Variants in CBL observed in about 807,000 individuals in gnomAD.
CBL encodes the protein E3 ubiquitin-protein ligase CBL.
A neutral mutation model predicts 96.9 loss-of-function variants in CBL; 45 were observed. That is an observed-to-expected ratio of 0.46 (90% confidence interval 0.37 to 0.60). The LOEUF (loss-of-function observed/expected upper bound fraction) is 0.60. CBL is among the 20% of genes least tolerant of loss of function. The probability of loss-of-function intolerance (pLI) is 0.00; values close to 1 mark genes in which losing one functional copy is unlikely to be tolerated. For synonymous variants in CBL, 420 were observed against 426.8 expected, an observed-to-expected ratio of 0.98 and a Z score of 0.20; for missense variants, 1,024 against 1,143.5, an observed-to-expected ratio of 0.90 and a Z score of 1.51.
chr11:119,246,129 C>T (rs1011544743), intron 2 of CBL, among the ~76,000 whole-genome samples: 2 of 151,516 alleles, frequency 1.3e-5, no homozygotes, highest in Admixed American at 1.3e-4. Flanking sequence ...CGCGCGCCAC[C>T]ATGCCCAGCT....
At chr11:119,261,675 C>T (rs1189080628) in intron 2 of CBL, among the ~76,000 whole-genome samples, 2 of 152,130 alleles carry the variant, frequency 1.3e-5, no homozygotes, top group Non-Finnish European at 2.9e-5. Context: ...AATATGCTTT[C>T]AATTGTGGGC....
At chr11:119,294,574 C>G (rs1242839034) in intron 12 of CBL, among the ~76,000 whole-genome samples, 4 of 151,864 alleles carry the variant, frequency 2.6e-5, no homozygotes, top group South Asian at 2.1e-4. Context: ...GCTGGCAGAT[C>G]ATGAGGTCAA....
At chr11:119,292,566 G>T (rs544732778) in intron 12 of CBL, among the ~76,000 whole-genome samples, 1 of 151,780 alleles carries the variant, frequency 6.6e-6, no homozygotes, top group Non-Finnish European at 1.5e-5. Context: ...GACTACAGGC[G>T]CCCGCCACCA....
In CBL at chr11:119,302,992, G is replaced by T. The variant is rs1198143556; in HGVS notation, c.*3211G>T. 2 of 227,906 alleles carry T rather than the reference G, an allele frequency of 8.8e-6. No individual in the cohort carries two copies. Among genetic ancestry groups the T allele is most frequent in the African/African-American group, 2.2e-5 (1 of 45,070 alleles). 14.1% of individuals were successfully genotyped at this position (227,906 alleles called of 1,614,324 possible). On this transcript the variant is annotated 3_prime_UTR_variant, in exon 16 of 16. Coordinates refer to ENST00000264033, the MANE Select transcript of CBL (RefSeq NM_005188.4). Reference sequence around the variant, plus strand: ...ACTGTTAGTATTATTTAACTATTTTGTAGATTTAAAAGATTTCTGGTTAAG... The same window carrying T: ...ACTGTTAGTATTATTTAACTATTTTTTAGATTTAAAAGATTTCTGGTTAAG...
At chr11:119,263,327 G>A (rs1949769027) in intron 2 of CBL, among the ~76,000 whole-genome samples, 1 of 152,164 alleles carries the variant, frequency 6.6e-6, no homozygotes, top group Non-Finnish European at 1.5e-5. Flanking sequence ...TTCATGTAGG[G>A]GGAGTAAGGA....
chr11:119,211,375 AAAC>A (rs1216159994), intron 1 of CBL, among the ~76,000 whole-genome samples: 3 of 152,114 alleles, frequency 2.0e-5, no homozygotes, highest in African/African-American at 4.8e-5. Context: ...TCTGTTTCAA[AAAC>A]AACAACAAAA....
At chr11:119,216,339 AATTTATTTATTTATTTATTTATTTATTT>A (rs113078166) in intron 1 of CBL, among the ~76,000 whole-genome samples, 3 of 144,038 alleles carry the variant, frequency 2.1e-5, no homozygotes, top group Non-Finnish European at 4.5e-5. Context: ...GACTTATTGT[AATTTATTTATTTATTTATTTATTTATTT>A]ATTTATTTAT....
intron 1 of CBL, among the ~76,000 whole-genome samples, chr11:119,229,909 T>G (rs1227622115): frequency 6.6e-6 from 1 of 151,894 alleles, no homozygotes; most frequent in Non-Finnish European, 1.5e-5. Flanking sequence ...TGAAGAATTC[T>G]TGATCATTAG....
chr11:119,218,587 C>T (rs1949381931), intron 1 of CBL, among the ~76,000 whole-genome samples: 1 of 152,122 alleles, frequency 6.6e-6, no homozygotes, highest in Non-Finnish European at 1.5e-5. Context: ...CTGCTTCTGT[C>T]CTGGGCATGA....
intron 2 of CBL, among the ~76,000 whole-genome samples, chr11:119,265,761 G>A (rs561982501): frequency 1.3e-5 from 2 of 152,102 alleles, no homozygotes; most frequent in East Asian, 1.9e-4. Context: ...AGTGGCTCAC[G>A]CCTGTAATCC....
At position 119,278,200 on chromosome 11, in the gene CBL, C is replaced by T. The variant is rs1949904419; in HGVS notation, c.1130C>T (p.Thr377Ile). 1.2e-6 allele frequency: 2 copies of T among 1,610,256 alleles called. No individual in the cohort carries two copies. Among genetic ancestry groups the T allele is most frequent in the Non-Finnish European group, 1.7e-6 (2 of 1,176,490 alleles). The change falls in exon 8 of 16, where the codon ACA (threonine) becomes ATA (isoleucine). Residue 377 changes from threonine to isoleucine, a missense_variant. Thr to Ile is a moderately conservative substitution (Grantham distance 89). This residue lies in a region of CBL where 695 missense variants were observed against 661.6 expected (regional missense o/e 1.05). Transcript: ENST00000264033. The stretch of plus-strand genomic sequence containing the variant: ...GAATTATACTGTGAGATGGGCTCCA[C>T]ATTCCAACTATGTAAAATATGTGCT... ...QYELYCEMGS[T>I]FQLCKICAEN... is the part of the protein sequence containing the mutation.
chr11:119,220,166 A>C (rs1949396882), intron 1 of CBL, among the ~76,000 whole-genome samples: 1 of 151,582 alleles, frequency 6.6e-6, no homozygotes, highest in African/African-American at 2.4e-5. Flanking sequence ...ATGCCTGGCT[A>C]ATTTTTGTAT....
At chr11:119,234,993 T>TA (rs1315617082) in intron 2 of CBL, among the ~76,000 whole-genome samples, 17 of 152,210 alleles carry the variant, frequency 1.1e-4, no homozygotes, top group African/African-American at 4.1e-4. Context: ...GGGAGACAGA[T>TA]ACGCTGGAAA....
Position 119,285,486 on chromosome 11 carries a change from C to G in CBL, c.1861C>G (p.Pro621Ala), listed in dbSNP as rs755408968. 1.2e-6 allele frequency: 2 copies of G among 1,614,182 alleles called. No homozygotes were observed. The highest frequency in any genetic ancestry group is 1.7e-6 in the Non-Finnish European group (2 of 1,180,022). ...AGAATTAACCAACCGGCACTCACTT[C>G]CATTTTCATTGCCCTCACAAATGGA... ...GRELTNRHSL[P>A]FSLPSQMEPR... Residue 621 changes from proline to alanine, a missense_variant, in exon 11 of 16, where the codon CCA becomes GCA. Physicochemically the swap from Pro to Ala is conservative, Grantham distance 27. Around this residue, in one of 4 missense-constraint regions of CBL, gnomAD observed 695 missense variants for 661.6 expected, o/e 1.05. Coordinates refer to ENST00000264033, the MANE Select transcript of CBL (RefSeq NM_005188.4).
At chr11:119,225,065 T>A (rs1325222671) in intron 1 of CBL, among the ~76,000 whole-genome samples, 7 of 151,782 alleles carry the variant, frequency 4.6e-5, no homozygotes, top group Non-Finnish European at 2.9e-5. Context: ...TGTGTGTGTG[T>A]GTGTGTGTGC....
At chr11:119,288,083 T>G in intron 12 of CBL, 137 bp downstream of exon 12, 1 of 679,790 alleles carries the variant, frequency 1.5e-6, no homozygotes, top group East Asian at 2.7e-5. Flanking sequence ...GATTATATTT[T>G]ATGTTTTAGA....
intron 12 of CBL, 60 bp downstream of exon 12, chr11:119,288,006 G>T: frequency 8.5e-7 from 1 of 1,170,804 alleles, no homozygotes. Flanking sequence ...AAGCTTACTT[G>T]CAGAAAATTG....
At chr11:119,273,391 C>A (rs969770470) in intron 3 of CBL, among the ~76,000 whole-genome samples, 2 of 152,174 alleles carry the variant, frequency 1.3e-5, no homozygotes, top group African/African-American at 4.8e-5. Flanking sequence ...GATGACATTA[C>A]AAGACCTGGT....
chr11:119,231,081 T>TAGAG (rs1207659835), intron 1 of CBL, among the ~76,000 whole-genome samples: 1 of 152,172 alleles, frequency 6.6e-6, no homozygotes, highest in South Asian at 2.1e-4. Context: ...AAGGCCTCTC[T>TAGAG]GTTCCTGTTC....
Sources: gnomAD v4.1 joint callset for allele counts (sites outside exome capture counted in the v4.1 genomes callset) on GRCh38, gnomAD v4.1.1 for gene constraint, gnomAD v4.1.1 regional missense constraint, MANE v1.5 for transcripts, NCBI Gene and HGNC (gene_info 2026-07-23, HGNC 2026-07-21) for gene names.